The following PIK3CG variants were observed in gnomAD, a reference collection of about 807,000 sequenced individuals.
PIK3CG encodes phosphatidylinositol-4,5-bisphosphate 3-kinase catalytic subunit gamma.
In PIK3CG, 55 loss-of-function variants were observed where a neutral mutation model predicts 102.3. The observed-to-expected ratio is 0.54, with a 90% CI of 0.43 to 0.67. The LOEUF is 0.67. PIK3CG is among the 30% of genes least tolerant of loss of function. PIK3CG has a pLI of 0.00. For synonymous variants in PIK3CG, 552 were observed against 540.0 expected, an observed-to-expected ratio of 1.02 and a Z score of -0.31; for missense variants, 1,258 against 1,391.8, an observed-to-expected ratio of 0.90 and a Z score of 1.53.
Position 106,869,418 on chromosome 7 carries a change from A to G in PIK3CG, c.1857A>G (p.Gln619=), listed in dbSNP as rs1848915876. 1 of 1,614,110 alleles carries G rather than the reference A, an allele frequency of 6.2e-7. No individual in the cohort carries two copies. Among genetic ancestry groups the G allele is most frequent in the South Asian group, 1.1e-5 (1 of 91,090 alleles). ...QLLARREVWD[Q]SALDVGLTMQ... is the part of the protein sequence containing the mutation. ...TGGCCAGAAGGGAAGTCTGGGATCA[A>G]AGTGCTTTGGATGTTGGGTTAACAA... The change falls in exon 2 of 11, where the codon CAA becomes CAG. Residue 619 remains glutamine, a synonymous_variant. Coordinates refer to ENST00000496166, the MANE Select transcript of PIK3CG (RefSeq NM_001282426.2). The surrounding 1 kb of genome is among the most constrained non-coding windows in gnomAD (Gnocchi z 5.3).
rs1156499035 is a variant in PIK3CG at position 106,908,364 on chromosome 7, G to T, written c.*2977G>T. Among the ~76,000 whole-genome samples, 1 of 152,178 alleles carries T rather than the reference G, an allele frequency of 6.6e-6. No homozygotes were observed. The highest frequency in any genetic ancestry group is 6.5e-5 in the Admixed American group (1 of 15,276). ...TACCACGTCTGCATGAGTGGTAAAT[G>T]TAGTGCCTGGGTCAAAATGTTCCTT... On this transcript the variant is annotated 3_prime_UTR_variant, in exon 11 of 11. Coordinates refer to ENST00000496166, the MANE Select transcript of PIK3CG (RefSeq NM_001282426.2). This position sits in a 1 kb window ranked among gnomAD's most constrained non-coding sequence, Gnocchi z 4.1.
chr7:106,868,365 G>A lies in PIK3CG; in HGVS notation c.804G>A (p.Gln268=), dbSNP rs2116438404. Residue 268 remains glutamine, a synonymous_variant, in exon 2 of 11, where the codon CAG becomes CAA. Transcript: ENST00000496166. The surrounding 1 kb of genome is among the most constrained non-coding windows in gnomAD (Gnocchi z 6.2). ...LMDIPESQSE[Q]DFVLRVCGRD... ...ATATTCCCGAAAGCCAAAGCGAACA[G>A]GATTTTGTGCTGCGCGTCTGTGGCC... 1 of 1,614,250 alleles carries A rather than the reference G, an allele frequency of 6.2e-7. No individual in the cohort carries two copies. The highest frequency in any genetic ancestry group is 8.5e-7 in the Non-Finnish European group (1 of 1,180,042).
At chr7:106,876,788 G>A (rs1013258363) in intron 5 of PIK3CG, among the ~76,000 whole-genome samples, 6 of 152,106 alleles carry the variant, frequency 3.9e-5, no homozygotes, top group African/African-American at 1.4e-4. Context: ...CTGTTAGTCT[G>A]TGGCTTGCCT....
At position 106,884,316 on chromosome 7, in the gene PIK3CG, A is replaced by G. The variant is rs371404759; in HGVS notation, c.2872+50A>G. The stretch of plus-strand genomic sequence containing the variant: ...ACTTTTATTGTGGTAAAATATATAT[A>G]ACATAACATTTACTATTTTAACTCT... On this transcript the variant is annotated intron_variant, in intron 9 of 10. Transcript: ENST00000496166. This position sits in a 1 kb window ranked among gnomAD's most constrained non-coding sequence, Gnocchi z 4.2. 27 of 1,159,306 alleles carry G rather than the reference A, an allele frequency of 2.3e-5. No homozygotes were observed. The African/African-American group carries it at 3.7e-4, about 16-fold the overall frequency. 71.8% of individuals were successfully genotyped at this position (1,159,306 alleles called of 1,614,324 possible).
intron 10 of PIK3CG, among the ~76,000 whole-genome samples, chr7:106,888,226 A>T (rs563554564): frequency 7.2e-5 from 11 of 152,040 alleles, no homozygotes; most frequent in African/African-American, 2.7e-4. Flanking sequence ...GGCGTGAGCC[A>T]CTGTGCCCAG....
rs539000059 is a variant in PIK3CG, at chr7:106,902,859, C to T, written c.3031-2250C>T. 6.6e-6 allele frequency among the ~76,000 whole-genome samples: 1 copy of T among 152,088 alleles called. No homozygotes were observed. The highest frequency in any genetic ancestry group is 2.1e-4 in the South Asian group (1 of 4,804). On this transcript the variant is annotated intron_variant, in intron 10 of 10. Coordinates refer to ENST00000496166, the MANE Select transcript of PIK3CG (RefSeq NM_001282426.2). The surrounding 1 kb of genome is among the most constrained non-coding windows in gnomAD (Gnocchi z 4.3). ...AAGTTTTAAGTTCCTGTAGTCTCACCATCTTTTCCTCATAGAGTCCACCAT... is the reference window on the plus strand; with the variant it reads ...AAGTTTTAAGTTCCTGTAGTCTCACTATCTTTTCCTCATAGAGTCCACCAT...
chr7:106,872,000 G>T (rs557054449), intron 2 of PIK3CG, among the ~76,000 whole-genome samples: 2 of 152,198 alleles, frequency 1.3e-5, no homozygotes, highest in Non-Finnish European at 2.9e-5. Context: ...CTGTTTACTT[G>T]TAGTTAAGGA....
In PIK3CG at chr7:106,879,330, C is replaced by T. The variant is rs1388708896; in HGVS notation, c.2392-189C>T. Among the ~76,000 whole-genome samples, 3 of 152,112 alleles carry T rather than the reference C, an allele frequency of 2.0e-5. No homozygotes were observed. The highest frequency in any genetic ancestry group is 2.1e-4 in the South Asian group (1 of 4,828). ...GGCACTGGTTTAAGAGTTGTGAATT[C>T]GCTCTCACATGGCATTTCCAGATTT... On this transcript the variant is annotated intron_variant, in intron 5 of 10. Transcript: ENST00000496166. The surrounding 1 kb of genome is among the most constrained non-coding windows in gnomAD (Gnocchi z 4.9).
chr7:106,888,362 G>A (rs971818148), intron 10 of PIK3CG, among the ~76,000 whole-genome samples: 1 of 152,072 alleles, frequency 6.6e-6, no homozygotes, highest in South Asian at 2.1e-4. Flanking sequence ...ATATCACCCC[G>A]TCAGATCTCA....
intron 10 of PIK3CG, among the ~76,000 whole-genome samples, chr7:106,898,710 G>A (rs992775236): frequency 6.6e-5 from 10 of 151,906 alleles, no homozygotes; most frequent in South Asian, 2.1e-4. Context: ...CTTATTTCTG[G>A]GCTCTCTGTT....
chr7:106,904,782 C>T (rs1285875020), intron 10 of PIK3CG, among the ~76,000 whole-genome samples: 1 of 152,174 alleles, frequency 6.6e-6, no homozygotes, highest in African/African-American at 2.4e-5. Flanking sequence ...AAAGCTGACT[C>T]ATTGCTCTTC....
intron 10 of PIK3CG, among the ~76,000 whole-genome samples, chr7:106,888,870 C>G (rs1050998879): frequency 1.3e-5 from 2 of 152,150 alleles, no homozygotes; most frequent in African/African-American, 4.8e-5. Context: ...ATTATTCATC[C>G]TTTCATAACA....
rs2116426900 is a variant in PIK3CG at position 106,867,964 on chromosome 7, A to C, written c.403A>C (p.Ile135Leu). Residue 135 changes from isoleucine (I) to leucine (L), a missense_variant, in exon 2 of 11, where the codon ATC (isoleucine) becomes CTC (leucine). Physicochemically the swap from Ile to Leu is conservative, Grantham distance 5. Around this residue, in one of 2 missense-constraint regions of PIK3CG, gnomAD observed 832 missense variants for 787.5 expected, o/e 1.06. Coordinates refer to ENST00000496166, the MANE Select transcript of PIK3CG (RefSeq NM_001282426.2). The surrounding 1 kb of genome is among the most constrained non-coding windows in gnomAD (Gnocchi z 5.1). ...WKATHRSPGQ[I>L]HLVQRHPPSE... ...GGCCACGCACCGGAGCCCGGGCCAG[A>C]TCCACCTGGTGCAGCGGCACCCGCC... 1.2e-6 allele frequency: 2 copies of C among 1,612,648 alleles called. No individual in the cohort carries two copies. Among genetic ancestry groups the C allele is most frequent in the Non-Finnish European group, 8.5e-7 (1 of 1,179,542 alleles).
intron 10 of PIK3CG, among the ~76,000 whole-genome samples, chr7:106,887,918 T>A (rs893290613): frequency 7.0e-6 from 1 of 142,768 alleles, no homozygotes; most frequent in Non-Finnish European, 1.5e-5. Flanking sequence ...GAATTTGGCC[T>A]CATTGACGAC....
At chr7:106,901,620 G>A (rs1791556543) in intron 10 of PIK3CG, among the ~76,000 whole-genome samples, 1 of 152,172 alleles carries the variant, frequency 6.6e-6, no homozygotes, top group Non-Finnish European at 1.5e-5. Context: ...GTTGTTTGGA[G>A]GACATATGAC....
Position 106,877,428 on chromosome 7 carries a change from G to A in PIK3CG, c.2392-2091G>A, listed in dbSNP as rs1388006601. Among the ~76,000 whole-genome samples the A allele has an allele frequency of 2.0e-5, 3 of 152,178 alleles. No homozygotes were observed. The highest frequency in any genetic ancestry group is 2.9e-5 in the Non-Finnish European group (2 of 68,038). On this transcript the variant is annotated intron_variant, in intron 5 of 10. Coordinates refer to ENST00000496166, the MANE Select transcript of PIK3CG (RefSeq NM_001282426.2). The surrounding 1 kb of genome is among the most constrained non-coding windows in gnomAD (Gnocchi z 4.5). ...ACCCCAAAATGGCAACAGTGCCAAG[G>A]TTAAGAAATTCTGGTTTAACTCAAT... is the stretch of plus-strand genomic sequence containing the variant.
intron 5 of PIK3CG, among the ~76,000 whole-genome samples, chr7:106,878,563 A>G (rs1290286524): frequency 6.6e-6 from 1 of 152,176 alleles, no homozygotes; most frequent in Non-Finnish European, 1.5e-5. Context: ...AATCTGGGGC[A>G]ATTACAGGGC....
chr7:106,898,133 A>G (rs1488125813), intron 10 of PIK3CG, among the ~76,000 whole-genome samples: 1 of 152,104 alleles, frequency 6.6e-6, no homozygotes, highest in East Asian at 1.9e-4. Context: ...CTAATGATCA[A>G]TGATGTTAAG....
chr7:106,908,084 A>G lies in PIK3CG; in HGVS notation c.*2697A>G, dbSNP rs1358453198. ...ATGCCAGGTGAAAACACAGATCACA[A>G]GTCAGATGAATCAGGCCAAAGCAAC... is the stretch of plus-strand genomic sequence containing the variant. On this transcript the variant is annotated 3_prime_UTR_variant, in exon 11 of 11. Coordinates refer to ENST00000496166, the MANE Select transcript of PIK3CG (RefSeq NM_001282426.2). The surrounding 1 kb of genome is among the most constrained non-coding windows in gnomAD (Gnocchi z 4.1). 2.0e-5 allele frequency among the ~76,000 whole-genome samples: 3 copies of G among 152,184 alleles called. No homozygotes were observed. Among genetic ancestry groups the G allele is most frequent in the Non-Finnish European group, 4.4e-5 (3 of 68,034 alleles).
Sources: gnomAD v4.1 joint callset for allele counts (sites outside exome capture counted in the v4.1 genomes callset) on GRCh38, gnomAD v4.1.1 for gene constraint, gnomAD v4.1.1 regional missense constraint, Gnocchi (gnomAD v3.1) non-coding constraint, MANE v1.5 for transcripts, NCBI Gene and HGNC (gene_info 2026-07-23, HGNC 2026-07-21) for gene names.